Variants in RBFOX1 observed in about 807,000 individuals in gnomAD.
RBFOX1 encodes RNA binding protein fox-1 homolog 1.
RBFOX1 carries 8 observed loss-of-function variants against 57.7 expected under a neutral mutation model. The ratio of observed to expected loss-of-function variants is 0.14; its 90% CI spans 0.08 to 0.25. RBFOX1 has a LOEUF of 0.25. RBFOX1 is among the 10% of genes least tolerant of loss of function. The probability of loss-of-function intolerance (pLI) is 1.00; values close to 1 mark genes in which losing one functional copy is unlikely to be tolerated. For missense variants in RBFOX1, 611 were observed against 548.5 expected (o/e 1.11, Z -1.14); for synonymous variants, 326 against 222.4 (o/e 1.47, Z -4.15).
chr16:7,272,909 TCCCTC>T (rs1222790776), intron 4 of RBFOX1, among the ~76,000 whole-genome samples: 3 of 134,182 alleles, frequency 2.2e-5, no homozygotes, highest in Non-Finnish European at 1.6e-5. Context: ...CCTTTCTTCC[TCCCTC>T]CCCTCCCTCC....
chr16:7,313,850 C>T (rs984424202), intron 4 of RBFOX1, among the ~76,000 whole-genome samples: 7 of 152,078 alleles, frequency 4.6e-5, no homozygotes, highest in African/African-American at 1.7e-4. Flanking sequence ...CTGCACCATC[C>T]CTATGTCCTC....
intron 4 of RBFOX1, among the ~76,000 whole-genome samples, chr16:7,425,307 G>A (rs954872126): frequency 2.0e-5 from 3 of 152,228 alleles, no homozygotes; most frequent in Non-Finnish European, 2.9e-5. Flanking sequence ...TTATAAACCC[G>A]CAAGGGGTCT....
At chr16:5,823,697 A>T (rs2055936226) in intron 3 of RBFOX1, among the ~76,000 whole-genome samples, 1 of 152,126 alleles carries the variant, frequency 6.6e-6, no homozygotes. Context: ...TCCTATTGTG[A>T]ACTGCACATG....
chr16:7,045,152 C>T (rs117666773), intron 3 of RBFOX1, among the ~76,000 whole-genome samples: 4 of 152,234 alleles, frequency 2.6e-5, no homozygotes, highest in East Asian at 1.9e-4. Context: ...ATGTGTATGT[C>T]ACTGGATTGA....
intron 1 of RBFOX1, among the ~76,000 whole-genome samples, chr16:6,112,506 C>A (rs576838282): frequency 6.6e-6 from 1 of 152,130 alleles, no homozygotes; most frequent in Non-Finnish European, 1.5e-5. Flanking sequence ...GCCTGGCCAA[C>A]ATGGAGAAAC....
At chr16:5,650,840 C>T (rs374530717) in intron 3 of RBFOX1, among the ~76,000 whole-genome samples, 4 of 152,096 alleles carry the variant, frequency 2.6e-5, no homozygotes, top group Non-Finnish European at 4.4e-5. Context: ...CAGCAGGCGA[C>T]GGGTCATGAA....
chr16:7,236,152 A>G (rs940259345), intron 4 of RBFOX1, among the ~76,000 whole-genome samples: 2 of 152,218 alleles, frequency 1.3e-5, no homozygotes, highest in African/African-American at 4.8e-5. Flanking sequence ...TCACCTAAAC[A>G]TTGCTACTGT....
intron 4 of RBFOX1, among the ~76,000 whole-genome samples, chr16:7,374,280 C>G (rs1251191187): frequency 1.3e-5 from 2 of 152,160 alleles, no homozygotes; most frequent in Non-Finnish European, 1.5e-5. Flanking sequence ...CGTGTTTTCG[C>G]TGTGTAAGGG....
At chr16:5,588,121 T>C (rs927494461) in intron 2 of RBFOX1, among the ~76,000 whole-genome samples, 7 of 152,166 alleles carry the variant, frequency 4.6e-5, no homozygotes, top group South Asian at 4.1e-4. Context: ...AGACCATAGA[T>C]TGTGTGAATT....
At chr16:6,181,013 G>A (rs1477652250) in intron 1 of RBFOX1, among the ~76,000 whole-genome samples, 10 of 152,170 alleles carry the variant, frequency 6.6e-5, no homozygotes, top group Admixed American at 5.9e-4. Context: ...TGTATGTGGA[G>A]GTGTGCATTG....
At chr16:7,095,765 G>C (rs555097584) in intron 4 of RBFOX1, among the ~76,000 whole-genome samples, 1 of 152,284 alleles carries the variant, frequency 6.6e-6, no homozygotes, top group South Asian at 2.1e-4. Context: ...GCTCACGCCT[G>C]TAATCCCAGC....
At chr16:7,598,645 C>G (rs1482608336) in intron 9 of RBFOX1, among the ~76,000 whole-genome samples, 1 of 152,036 alleles carries the variant, frequency 6.6e-6, no homozygotes, top group East Asian at 1.9e-4. Context: ...GTATTCATGC[C>G]TATATATGTA....
chr16:6,165,787 AT>A (rs145244249), intron 1 of RBFOX1, among the ~76,000 whole-genome samples: 2,515 of 152,322 alleles, frequency 0.017, 33 homozygotes, highest in Non-Finnish European at 0.028. Context: ...GCTAAGGGTT[AT>A]TTACAAGAAA....
intron 3 of RBFOX1, among the ~76,000 whole-genome samples, chr16:5,739,390 CTG>C (rs1390456618): frequency 2.0e-5 from 3 of 152,208 alleles, no homozygotes; most frequent in Admixed American, 6.5e-5. Context: ...AGACAAGAAT[CTG>C]TGCCATTGTG....
chr16:7,069,732 C>T (rs1253944292), intron 4 of RBFOX1, among the ~76,000 whole-genome samples: 4 of 152,234 alleles, frequency 2.6e-5, no homozygotes, highest in Non-Finnish European at 5.9e-5. Flanking sequence ...GTGTGTTCTG[C>T]CATCTCCCAG....
intron 4 of RBFOX1, among the ~76,000 whole-genome samples, chr16:7,360,912 C>G (rs4627376): frequency 0.041 from 6,170 of 152,274 alleles, 266 homozygotes; most frequent in East Asian, 0.13. Flanking sequence ...TATCCTTATC[C>G]TTGGAGAGTC....
chr16:5,652,693 T>C (rs2049280547), intron 3 of RBFOX1, among the ~76,000 whole-genome samples: 1 of 151,938 alleles, frequency 6.6e-6, no homozygotes, highest in South Asian at 2.1e-4. Context: ...ACATAAAGGG[T>C]ATAAATGTGC....
chr16:5,811,702 G>A (rs2151779927), intron 3 of RBFOX1, among the ~76,000 whole-genome samples: 1 of 152,214 alleles, frequency 6.6e-6, no homozygotes, highest in South Asian at 2.1e-4. Flanking sequence ...GCCCGCCTTG[G>A]CCTCCCAAAG....
chr16:5,654,095 G>A (rs912791776), intron 3 of RBFOX1, among the ~76,000 whole-genome samples: 2 of 152,184 alleles, frequency 1.3e-5, no homozygotes, highest in Non-Finnish European at 2.9e-5. Flanking sequence ...TTTGCAGTGA[G>A]GACACGTCTG....
Sources: gnomAD v4.1 joint callset for allele counts (sites outside exome capture counted in the v4.1 genomes callset) on GRCh38, gnomAD v4.1.1 for gene constraint, MANE v1.5 for transcripts, NCBI Gene and HGNC (gene_info 2026-07-23, HGNC 2026-07-21) for gene names.